Variants in RIMS1 observed in about 807,000 individuals in gnomAD.
RIMS1 encodes the protein regulating synaptic membrane exocytosis 1.
Under a neutral mutation model 214.1 loss-of-function variants are expected in RIMS1, and 83 were observed. The ratio of observed to expected loss-of-function variants is 0.39; its 90% CI spans 0.32 to 0.47. The LOEUF (loss-of-function observed/expected upper bound fraction) is 0.47. RIMS1 is among the 20% of genes least tolerant of loss of function. RIMS1 has a pLI of 0.99. For missense variants in RIMS1, 2,050 were observed against 2,161.8 expected (o/e 0.95, Z 1.03); for synonymous variants, 793 against 786.8 (o/e 1.01, Z -0.13).
chr6:72,338,053 G>A (rs1164952830), intron 29 of RIMS1, among the ~76,000 whole-genome samples: 13 of 151,758 alleles, frequency 8.6e-5, no homozygotes, highest in South Asian at 2.1e-4. Flanking sequence ...ATAAACATAC[G>A]TGTGTATGTG....
At chr6:72,009,135 C>G (rs557089514) in intron 2 of RIMS1, among the ~76,000 whole-genome samples, 4 of 152,286 alleles carry the variant, frequency 2.6e-5, no homozygotes, top group African/African-American at 9.6e-5. Context: ...TCTCAGACCA[C>G]AGTGCAATCA....
intron 2 of RIMS1, among the ~76,000 whole-genome samples, chr6:72,058,966 T>C (rs192107158): frequency 1.3e-5 from 2 of 152,296 alleles, no homozygotes; most frequent in Non-Finnish European, 2.9e-5. Flanking sequence ...GACTGGGTGT[T>C]TAAAGTACTA....
intron 2 of RIMS1, among the ~76,000 whole-genome samples, chr6:71,976,026 A>T (rs1297441318): frequency 6.6e-6 from 1 of 152,062 alleles, no homozygotes; most frequent in East Asian, 1.9e-4. Context: ...GCATTTAGGT[A>T]CAAGTTTTTG....
intron 6 of RIMS1, among the ~76,000 whole-genome samples, chr6:72,202,388 T>C (rs2052150592): frequency 6.6e-6 from 1 of 152,162 alleles, no homozygotes; most frequent in South Asian, 2.1e-4. Flanking sequence ...GACTGACTTT[T>C]CTCTGTATCT....
intron 1 of RIMS1, among the ~76,000 whole-genome samples, chr6:71,923,486 TAA>T (rs1780626387): frequency 6.6e-6 from 1 of 152,084 alleles, no homozygotes; most frequent in Non-Finnish European, 1.5e-5. Context: ...CACCCTGTGG[TAA>T]AGACATGCCT....
intron 29 of RIMS1, among the ~76,000 whole-genome samples, chr6:72,359,843 T>C (rs1230616025): frequency 2.6e-5 from 4 of 152,190 alleles, no homozygotes; most frequent in South Asian, 2.1e-4. Flanking sequence ...TTTCTTCCCA[T>C]GAGCAGATAT....
chr6:71,977,449 A>G (rs1369295760), intron 2 of RIMS1, among the ~76,000 whole-genome samples: 1 of 152,154 alleles, frequency 6.6e-6, no homozygotes, highest in Admixed American at 6.6e-5. Context: ...GGCCCTGGAT[A>G]TTATCATGAA....
chr6:72,317,074 G>T, intron 28 of RIMS1: 1 of 424,032 alleles, frequency 2.4e-6, no homozygotes, highest in South Asian at 2.1e-5. Context: ...GGAGGGCAGG[G>T]GTGGGGTGGG....
At chr6:72,345,044 T>C (rs950572373) in intron 29 of RIMS1, among the ~76,000 whole-genome samples, 1 of 151,784 alleles carries the variant, frequency 6.6e-6, no homozygotes, top group Non-Finnish European at 1.5e-5. Context: ...TTTTTAACTA[T>C]ACTAAGATGA....
At chr6:72,009,579 A>C (rs1435968715) in intron 2 of RIMS1, among the ~76,000 whole-genome samples, 1 of 152,156 alleles carries the variant, frequency 6.6e-6, no homozygotes, top group Non-Finnish European at 1.5e-5. Flanking sequence ...GACCGCTAGC[A>C]AGACTAATAA....
Position 72,252,822 on chromosome 6 carries a change from A to T in RIMS1, c.2760A>T (p.Val920=). 1 of 1,555,304 alleles carries T rather than the reference A, an allele frequency of 6.4e-7. No homozygotes were observed. Among genetic ancestry groups the T allele is most frequent in the South Asian group, 1.2e-5 (1 of 84,264 alleles). The change falls in exon 16 of 34, where the codon GTA becomes GTT. Residue 920 remains valine, a synonymous_variant. Transcript: ENST00000521978. ...SDYEVDDGIG[V]VPPVGYRSSA... Reference sequence around the variant, plus strand: ...ATGAGGTTGATGATGGTATTGGCGTAGTTCCTCCAGGTGCGTGGGTGAGGA... The same window carrying T: ...ATGAGGTTGATGATGGTATTGGCGTTGTTCCTCCAGGTGCGTGGGTGAGGA...
intron 22 of RIMS1, among the ~76,000 whole-genome samples, chr6:72,273,740 T>C (rs1591525659): frequency 6.6e-6 from 1 of 152,232 alleles, no homozygotes. Flanking sequence ...GCTTTTAAAG[T>C]TCAGTAATTA....
intron 2 of RIMS1, among the ~76,000 whole-genome samples, chr6:71,982,053 C>A (rs1798631140): frequency 6.6e-6 from 1 of 151,954 alleles, no homozygotes; most frequent in African/African-American, 2.4e-5. Context: ...GCAAACCAAG[C>A]CGCTAAACAT....
At chr6:72,212,829 C>G (rs2054056756) in intron 6 of RIMS1, 2 of 1,072,744 alleles carry the variant, frequency 1.9e-6, no homozygotes, top group Non-Finnish European at 2.3e-6. Context: ...CTACCAGTCC[C>G]CACACCACCA....
At chr6:72,256,874 G>GT (rs913373910) in intron 16 of RIMS1, among the ~76,000 whole-genome samples, 5 of 151,774 alleles carry the variant, frequency 3.3e-5, no homozygotes, top group Non-Finnish European at 2.9e-5. Flanking sequence ...AAAAATTAAA[G>GT]TATTTCAAAT....
At chr6:72,269,242 T>C (rs917682534) in intron 22 of RIMS1, among the ~76,000 whole-genome samples, 6 of 152,176 alleles carry the variant, frequency 3.9e-5, no homozygotes, top group African/African-American at 1.4e-4. Flanking sequence ...CATTTTACAT[T>C]ACCCACCCTG....
At chr6:72,217,146 T>C (rs1410920083) in intron 6 of RIMS1, 2 of 1,534,456 alleles carry the variant, frequency 1.3e-6, no homozygotes, top group Non-Finnish European at 1.7e-6. Context: ...ATTTAATGAT[T>C]TGATGCCAGT....
intron 2 of RIMS1, among the ~76,000 whole-genome samples, chr6:72,036,618 T>C (rs1819688783): frequency 6.6e-6 from 1 of 152,146 alleles, no homozygotes; most frequent in Non-Finnish European, 1.5e-5. Context: ...ACTTAATAAC[T>C]GAGCTTTGAA....
chr6:72,382,901 T>C (rs971807534), intron 29 of RIMS1, among the ~76,000 whole-genome samples: 1 of 152,238 alleles, frequency 6.6e-6, no homozygotes, highest in Non-Finnish European at 1.5e-5. Context: ...AGTCTCTCAA[T>C]AAGTCCAATA....
Sources: gnomAD v4.1 joint callset for allele counts (sites outside exome capture counted in the v4.1 genomes callset) on GRCh38, gnomAD v4.1.1 for gene constraint, MANE v1.5 for transcripts, NCBI Gene and HGNC (gene_info 2026-07-23, HGNC 2026-07-21) for gene names.